APBA2: variants seen among roughly 807,000 people sequenced by gnomAD.
APBA2 encodes the protein amyloid beta precursor protein binding family A member 2.
Under a neutral mutation model 75.0 loss-of-function variants are expected in APBA2, and 30 were observed. That is an observed-to-expected ratio of 0.40 (90% CI 0.30 to 0.54). The LOEUF (loss-of-function observed/expected upper bound fraction) is 0.54, where lower values mean the gene tolerates loss of function less well. Among genes scored for constraint, APBA2 ranks in the 20% least tolerant of loss-of-function variants. The pLI is 0.49. For missense variants in APBA2, 801 were observed against 1,016.1 expected (o/e 0.79, Z 2.88); for synonymous variants, 444 against 409.6 (o/e 1.08, Z -1.01).
chr15:28,951,016 T>C lies in APBA2; in HGVS notation c.-95+29267T>C, dbSNP rs531298207. Among the ~76,000 whole-genome samples the C allele has an allele frequency of 3.7e-4, 56 of 152,276 alleles. 1 individual carries two copies. The Middle Eastern group carries it at 0.014, about 37-fold the overall frequency. ...TTTTTTGAGTACAGTCAGTTGGCCA[T>C]ATCCGTGAGTTCTGCATCTGTGGAT... is the stretch of plus-strand genomic sequence containing the variant. On this transcript the variant is annotated intron_variant, in intron 2 of 14. Coordinates refer to ENST00000683413, the MANE Select transcript of APBA2 (RefSeq NM_001353788.2).
At chr15:29,040,559 A>AATTC (rs1335284113) in intron 3 of APBA2, among the ~76,000 whole-genome samples, 1 of 152,228 alleles carries the variant, frequency 6.6e-6, no homozygotes, top group Non-Finnish European at 1.5e-5. Context: ...CTCGTGCTTG[A>AATTC]AGCCAACTCA....
At chr15:28,927,847 A>G (rs1260920860) in intron 2 of APBA2, among the ~76,000 whole-genome samples, 1 of 151,526 alleles carries the variant, frequency 6.6e-6, no homozygotes, top group African/African-American at 2.4e-5. Flanking sequence ...CATTTCTGTT[A>G]ATAGGTTCCT....
chr15:28,909,029 C>G (rs2033290550), intron 1 of APBA2, among the ~76,000 whole-genome samples: 1 of 150,860 alleles, frequency 6.6e-6, no homozygotes. Context: ...CTCTGTTGCC[C>G]AGGCTGGAGT....
At chr15:29,099,892 C>T (rs2044032795) in intron 9 of APBA2, among the ~76,000 whole-genome samples, 1 of 152,232 alleles carries the variant, frequency 6.6e-6, no homozygotes, top group Admixed American at 6.5e-5. Context: ...AACTCTTCCG[C>T]TGGATCCTGT....
chr15:28,979,900 A>T (rs1000382076), intron 2 of APBA2, among the ~76,000 whole-genome samples: 21 of 152,150 alleles, frequency 1.4e-4, no homozygotes, highest in Non-Finnish European at 1.5e-5. Flanking sequence ...AAAAAAAGAG[A>T]AAAGCAAGCC....
At chr15:29,053,317 G>A (rs935440794) in intron 3 of APBA2, among the ~76,000 whole-genome samples, 3 of 152,202 alleles carry the variant, frequency 2.0e-5, no homozygotes, top group African/African-American at 7.2e-5. Context: ...GTTCCTCGGT[G>A]AACATTGTTC....
At position 28,933,008 on chromosome 15, in the gene APBA2, G is replaced by A. The variant is rs147628168; in HGVS notation, c.-95+11259G>A. 2.9e-3 allele frequency among the ~76,000 whole-genome samples: 446 copies of A among 152,218 alleles called. 1 individual carries two copies. The highest frequency in any genetic ancestry group is 5.5e-3 in the Non-Finnish European group (376 of 68,014). On this transcript the variant is annotated intron_variant, in intron 2 of 14. Coordinates refer to ENST00000683413, the MANE Select transcript of APBA2 (RefSeq NM_001353788.2). ...CATCTGCTGAGGGCCTTCTTGCTGCGTCCTAACATGGTGGAAGGCATCATA... is the reference window on the plus strand; with the variant it reads ...CATCTGCTGAGGGCCTTCTTGCTGCATCCTAACATGGTGGAAGGCATCATA...
chr15:29,068,030 TCAATTTC>T (rs897604480), intron 4 of APBA2, among the ~76,000 whole-genome samples: 1 of 152,226 alleles, frequency 6.6e-6, no homozygotes, highest in Non-Finnish European at 1.5e-5. Context: ...TACTGGTCAT[TCAATTTC>T]CTTTTGGCTT....
chr15:28,892,528 A>G (rs893255032), intron 1 of APBA2, among the ~76,000 whole-genome samples: 4 of 152,080 alleles, frequency 2.6e-5, no homozygotes, highest in Non-Finnish European at 4.4e-5. Context: ...CAAGGTGTGG[A>G]GTAGGTTTGT....
intron 2 of APBA2, among the ~76,000 whole-genome samples, chr15:28,946,334 A>T (rs1019215303): frequency 6.6e-6 from 1 of 152,204 alleles, no homozygotes; most frequent in African/African-American, 2.4e-5. Flanking sequence ...CCTTATAAGA[A>T]GGAAGCTGGA....
intron 6 of APBA2, among the ~76,000 whole-genome samples, chr15:29,085,934 C>G (rs1274915559): frequency 6.6e-6 from 1 of 152,230 alleles, no homozygotes. Flanking sequence ...CCCCAAGGAC[C>G]CCTGCCTCTT....
At chr15:29,100,025 C>T (rs946625464) in intron 9 of APBA2, among the ~76,000 whole-genome samples, 1 of 152,160 alleles carries the variant, frequency 6.6e-6, no homozygotes, top group East Asian at 1.9e-4. Context: ...CAAATTAAAG[C>T]TGTTGGGGCA....
chr15:29,061,486 C>T (rs1486753595), intron 4 of APBA2, among the ~76,000 whole-genome samples: 1 of 152,106 alleles, frequency 6.6e-6, no homozygotes, highest in Non-Finnish European at 1.5e-5. Flanking sequence ...TATCCCTGAC[C>T]CAGCTGGTGC....
At chr15:29,058,512 CA>C (rs1205514669) in intron 4 of APBA2, among the ~76,000 whole-genome samples, 22 of 144,200 alleles carry the variant, frequency 1.5e-4, no homozygotes, top group African/African-American at 2.3e-4. Context: ...CTCCCACCTC[CA>C]AAAAAAAAAG....
intron 9 of APBA2, 136 bp from the exon 10 acceptor site, chr15:29,101,463 C>G (rs2152962490): frequency 1.2e-6 from 1 of 866,466 alleles, no homozygotes; most frequent in South Asian, 1.4e-5. Flanking sequence ...AACTCCTGAC[C>G]TCAGGTGATC....
intron 3 of APBA2, among the ~76,000 whole-genome samples, chr15:29,002,564 G>C (rs2038904692): frequency 6.6e-6 from 1 of 151,634 alleles, no homozygotes; most frequent in African/African-American, 2.4e-5. Flanking sequence ...GTCTCGGGGG[G>C]TCAGCGAGTG....
intron 13 of APBA2, among the ~76,000 whole-genome samples, chr15:29,110,537 G>A (rs546124632): frequency 3.3e-5 from 5 of 152,176 alleles, no homozygotes; most frequent in Admixed American, 1.3e-4. Context: ...CTACCTACTC[G>A]TAGGGCCTGT....
At chr15:29,089,618 G>A (rs1186360228) in intron 6 of APBA2, among the ~76,000 whole-genome samples, 1 of 152,108 alleles carries the variant, frequency 6.6e-6, no homozygotes, top group Non-Finnish European at 1.5e-5. Context: ...CAGGAGTGGA[G>A]ACCCTCAGGC....
chr15:29,105,262 C>A, intron 10 of APBA2, 117 bp from the exon 11 acceptor site: 3 of 1,010,170 alleles, frequency 3.0e-6, no homozygotes, highest in Non-Finnish European at 2.9e-6. Context: ...CGAGCAAGGG[C>A]TCCCTTGAAG....
Sources: gnomAD v4.1 joint callset for allele counts (sites outside exome capture counted in the v4.1 genomes callset) on GRCh38, gnomAD v4.1.1 for gene constraint, MANE v1.5 for transcripts, NCBI Gene and HGNC (gene_info 2026-07-23, HGNC 2026-07-21) for gene names.